The following POU2F3 variants were observed in gnomAD, a reference collection of about 807,000 sequenced individuals.
POU2F3 encodes the protein POU class 2 homeobox 3.
POU2F3 carries 23 observed loss-of-function variants against 59.2 expected under a neutral mutation model. That is an observed-to-expected ratio of 0.39 (90% CI 0.28 to 0.55). POU2F3 has a LOEUF of 0.55. POU2F3 is among the 20% of genes least tolerant of loss of function. The probability of loss-of-function intolerance (pLI) is 0.66; values close to 1 mark genes in which losing one functional copy is unlikely to be tolerated. For synonymous variants in POU2F3, 190 were observed against 214.6 expected (o/e 0.89, Z 1.00); for missense variants, 473 against 544.5 (o/e 0.87, Z 1.31).
intron 3 of POU2F3, among the ~76,000 whole-genome samples, chr11:120,273,044 C>T (rs1202512607): frequency 2.6e-5 from 4 of 152,218 alleles, no homozygotes; most frequent in East Asian, 1.9e-4. Context: ...GACTTCCACT[C>T]GACTTCCATT....
chr11:120,299,908 C>T (rs1941301069), intron 5 of POU2F3, among the ~76,000 whole-genome samples, 182 bp downstream of exon 5: 1 of 152,230 alleles, frequency 6.6e-6, no homozygotes. Flanking sequence ...CTCCTCCAGG[C>T]TTAGTCTCCT....
intron 3 of POU2F3, among the ~76,000 whole-genome samples, chr11:120,296,290 T>C (rs1941189642): frequency 6.6e-6 from 1 of 152,238 alleles, no homozygotes; most frequent in African/African-American, 2.4e-5. Flanking sequence ...TAATGTTCTT[T>C]GGGTTTTCAC....
chr11:120,236,727 T>C (rs1002908268), upstream of POU2F3: 6 of 1,464,784 alleles, frequency 4.1e-6, no homozygotes, highest in Non-Finnish European at 5.5e-6. Context: ...TTCTCTACGT[T>C]CCCATTCTAG....
chr11:120,253,225 A>G (rs2135146748), intron 2 of POU2F3, among the ~76,000 whole-genome samples: 1 of 151,826 alleles, frequency 6.6e-6, no homozygotes, highest in African/African-American at 2.4e-5. Flanking sequence ...TGGAGGGCCC[A>G]CTGATGGAGT....
upstream of POU2F3, among the ~76,000 whole-genome samples, chr11:120,236,918 TTC>T (rs1463504545): frequency 1.3e-5 from 2 of 152,164 alleles, no homozygotes; most frequent in Non-Finnish European, 2.9e-5. Context: ...CATATGTTTG[TTC>T]TGTTTTCTGG....
At chr11:120,269,724 G>T (rs939629009) in intron 3 of POU2F3, among the ~76,000 whole-genome samples, 1 of 152,168 alleles carries the variant, frequency 6.6e-6, no homozygotes, top group African/African-American at 2.4e-5. Context: ...AGGTAACCAG[G>T]CTCGGGGGCA....
chr11:120,294,079 C>G (rs974900298), intron 3 of POU2F3, among the ~76,000 whole-genome samples: 1 of 152,180 alleles, frequency 6.6e-6, no homozygotes, highest in South Asian at 2.1e-4. Context: ...AGGGCTTCCA[C>G]CTCCTTGGAA....
intron 3 of POU2F3, among the ~76,000 whole-genome samples, chr11:120,293,098 A>G (rs1353725793): frequency 6.6e-6 from 1 of 152,170 alleles, no homozygotes; most frequent in Non-Finnish European, 1.5e-5. Context: ...CCTAGGAGCC[A>G]TATGTCTCCT....
intron 6 of POU2F3, chr11:120,302,578 A>C: frequency 1.9e-6 from 1 of 538,602 alleles, no homozygotes; most frequent in Non-Finnish European, 3.3e-6. Flanking sequence ...CACAGTTAGA[A>C]TCCAGAGATT....
intron 2 of POU2F3, among the ~76,000 whole-genome samples, chr11:120,268,465 T>C (rs1939929665): frequency 6.6e-6 from 1 of 152,040 alleles, no homozygotes; most frequent in Non-Finnish European, 1.5e-5. Flanking sequence ...CTCCACCCCC[T>C]GAGTAGCTGG....
At chr11:120,262,882 C>CT (rs1305945639) in intron 2 of POU2F3, among the ~76,000 whole-genome samples, 5 of 151,920 alleles carry the variant, frequency 3.3e-5, no homozygotes, top group Admixed American at 6.6e-5. Flanking sequence ...TTTTGGTTGG[C>CT]TTTTTTATAT....
At chr11:120,292,782 C>T (rs1941069166) in intron 3 of POU2F3, among the ~76,000 whole-genome samples, 1 of 152,246 alleles carries the variant, frequency 6.6e-6, no homozygotes, top group Non-Finnish European at 1.5e-5. Flanking sequence ...AAGTCCTGGG[C>T]ACCATGAAGC....
At position 120,277,272 on chromosome 11, in the gene POU2F3, T is replaced by C. The variant is rs562281975; in HGVS notation, c.132+8028T>C. ...TGCCACTGCACTCCAGCCTGGGTGA[T>C]AGAGCCAGACTCTGTCTCAAAAAAT... On this transcript the variant is annotated intron_variant, in intron 3 of 12. Transcript: ENST00000543440. Among the ~76,000 whole-genome samples, 352 of 150,766 alleles carry C rather than the reference T, an allele frequency of 2.3e-3. 2 individuals carry two copies. Among genetic ancestry groups the C allele is most frequent in the African/African-American group, 8.3e-3 (342 of 41,050 alleles).
At chr11:120,267,203 A>G (rs1939862476) in intron 2 of POU2F3, among the ~76,000 whole-genome samples, 1 of 150,386 alleles carries the variant, frequency 6.6e-6, no homozygotes, top group African/African-American at 2.5e-5. Flanking sequence ...ATCTCGGCTC[A>G]CTGCAACCTC....
intron 2 of POU2F3, chr11:120,261,220 TC>T (rs1350796004): frequency 6.6e-6 from 1 of 150,992 alleles, no homozygotes; most frequent in East Asian, 1.9e-4. Flanking sequence ...TTTGTTTGCC[TC>T]CCCCTGAGGA....
intron 2 of POU2F3, chr11:120,255,924 A>C (rs1591380821): frequency 6.6e-6 from 1 of 152,308 alleles, no homozygotes; most frequent in East Asian, 1.9e-4. Context: ...GAGACTGGGG[A>C]ATAATCCCTG....
At chr11:120,241,209 T>C (rs1400284876) in intron 1 of POU2F3, among the ~76,000 whole-genome samples, 1 of 152,234 alleles carries the variant, frequency 6.6e-6, no homozygotes, top group Non-Finnish European at 1.5e-5. Flanking sequence ...AAGCGGTACC[T>C]GACCTGGCCA....
chr11:120,297,213 T>C (rs909010994), intron 3 of POU2F3, among the ~76,000 whole-genome samples: 3 of 152,198 alleles, frequency 2.0e-5, no homozygotes, highest in African/African-American at 7.2e-5. Context: ...CCCAAGGGAC[T>C]TCCTGAAAAG....
At chr11:120,266,923 A>T (rs758539095) in intron 2 of POU2F3, among the ~76,000 whole-genome samples, 12 of 152,236 alleles carry the variant, frequency 7.9e-5, no homozygotes, top group Admixed American at 5.2e-4. Context: ...CCTTGCACAT[A>T]GACTGTGCTT....
Sources: allele counts gnomAD v4.1 joint callset (sites outside exome capture counted in the v4.1 genomes callset), GRCh38; gene constraint gnomAD v4.1.1; transcripts MANE v1.5; gene names NCBI Gene and HGNC (gene_info 2026-07-23, HGNC 2026-07-21).